The following BOD1L2 variants were observed in gnomAD, a reference collection of about 807,000 sequenced individuals.
BOD1L2 encodes the protein biorientation of chromosomes in cell division protein 1-like 2.
In BOD1L2, 6 loss-of-function variants were observed where a neutral mutation model predicts 5.3. The ratio of observed to expected loss-of-function variants is 1.14; its 90% CI spans 0.62 to 2.25. The LOEUF (loss-of-function observed/expected upper bound fraction) is 2.25, where lower values mean the gene tolerates loss of function less well. BOD1L2 is among the 30% of genes most tolerant of loss of function. The probability of loss-of-function intolerance (pLI) is 0.00; values close to 1 mark genes in which losing one functional copy is unlikely to be tolerated. For missense variants in BOD1L2, 210 were observed against 227.2 expected (o/e 0.92, Z 0.49); for synonymous variants, 96 against 96.3 (o/e 1.00, Z 0.02).
In BOD1L2 at chr18:57,147,184, G is replaced by A. The variant is rs1357267108; in HGVS notation, c.-129G>A. 4 of 1,038,404 alleles carry A rather than the reference G, an allele frequency of 3.9e-6. No homozygotes were observed. The highest frequency in any genetic ancestry group is 2.3e-6 in the Non-Finnish European group (2 of 857,242). 64.3% of individuals were successfully genotyped at this position (1,038,404 alleles called of 1,614,324 possible). ...CGGCCCCGCCGCCATCACCACCACCGTCACCTCCGCCGCTGCCTCCTTGGG... is the reference window on the plus strand; with the variant it reads ...CGGCCCCGCCGCCATCACCACCACCATCACCTCCGCCGCTGCCTCCTTGGG... On this transcript the variant is annotated 5_prime_UTR_variant, in exon 1 of 1. Transcript: ENST00000585477.
At position 57,147,592 on chromosome 18, in the gene BOD1L2, A is replaced by G. The variant is rs757534981; in HGVS notation, c.280A>G (p.Asn94Asp). ...CAAGCAGGAATGGAATCCTCCAGCA[A>G]ACGACAACCAACTGCACGATGGTCT... ...LDKQEWNPPA[N>D]DNQLHDGLRQ... Residue 94 changes from asparagine (N) to aspartate (D), a missense_variant, in exon 1 of 1, where the codon AAC becomes GAC. Physicochemically the swap from Asn to Asp is conservative, Grantham distance 23. Transcript: ENST00000585477. The G allele has an allele frequency of 6.8e-6, 11 of 1,613,120 alleles. No individual in the cohort carries two copies. The highest frequency in any genetic ancestry group is 1.3e-5 in the African/African-American group (1 of 74,950).
rs1379465153 is a variant in BOD1L2 at position 57,148,716 on chromosome 18, G to A, written c.*885G>A. The A allele has an allele frequency of 6.6e-6, 1 of 152,210 alleles. No homozygotes were observed. The highest frequency in any genetic ancestry group is 2.4e-5 in the African/African-American group (1 of 41,438). 9.4% of individuals were successfully genotyped at this position (152,210 alleles called of 1,614,324 possible). A position where few individuals can be genotyped will look rare whatever the true frequency, so the allele number is the denominator to read the frequency against. On this transcript the variant is annotated 3_prime_UTR_variant, in exon 1 of 1. Coordinates refer to ENST00000585477, the MANE Select transcript of BOD1L2 (RefSeq NM_001257964.2). ...GGTTTATGAGGCCCGTGATAATGGG[G>A]CCCCTGGTCACCTCTGCTGCCCCGT... is the stretch of plus-strand genomic sequence containing the variant.
rs1161854461 is a variant in BOD1L2, at chr18:57,147,363, C to CCGGG, written c.53_56dup (p.Ser20GlyfsTer35). ...GCGGCGGTGCGGGCCCGGCCTCGAC[C>CCGGG]CGGGCCAGCGGGGGCGGCGGCCCCA... On this transcript the variant is annotated frameshift_variant, in exon 1 of 1. Coordinates refer to ENST00000585477, the MANE Select transcript of BOD1L2 (RefSeq NM_001257964.2). LOFTEE classifies it low-confidence loss of function (END_TRUNC). The CCGGG allele has an allele frequency of 6.0e-6, 9 of 1,498,106 alleles. No homozygotes were observed. The highest frequency in any genetic ancestry group is 8.0e-6 in the Non-Finnish European group (9 of 1,127,976). 92.8% of individuals were successfully genotyped at this position (1,498,106 alleles called of 1,614,324 possible).
Sources: allele counts gnomAD v4.1 joint callset, GRCh38; gene constraint gnomAD v4.1.1; transcripts MANE v1.5; gene names NCBI Gene and HGNC (gene_info 2026-07-23, HGNC 2026-07-21).